The following ZNF804A variants were observed in gnomAD, a reference collection of about 807,000 sequenced individuals.
ZNF804A encodes the protein zinc finger protein 804A.
ZNF804A carries 2 observed loss-of-function variants against 16.5 expected under a neutral mutation model. The ratio of observed to expected loss-of-function variants is 0.12; its 90% confidence interval spans 0.05 to 0.38. The LOEUF (loss-of-function observed/expected upper bound fraction) is 0.38. Among genes scored for constraint, ZNF804A ranks in the 10% least tolerant of loss-of-function variants. The pLI is 0.99. For missense variants in ZNF804A, 1,473 were observed against 1,390.7 expected, an observed-to-expected ratio of 1.06 and a Z score of -0.94; for synonymous variants, 534 against 489.6, an observed-to-expected ratio of 1.09 and a Z score of -1.20.
At chr2:184,630,170 G>C (rs1691582925) in intron 1 of ZNF804A, among the ~76,000 whole-genome samples, 1 of 152,068 alleles carries the variant, frequency 6.6e-6, no homozygotes, top group Non-Finnish European at 1.5e-5. Context: ...TAATCTAAGT[G>C]AATGGCTTGT....
chr2:184,788,267 C>A (rs1034898671), intron 1 of ZNF804A, among the ~76,000 whole-genome samples: 5 of 151,798 alleles, frequency 3.3e-5, no homozygotes, highest in African/African-American at 9.7e-5. Flanking sequence ...TGAAGTTAAA[C>A]AATGTGATAC....
chr2:184,620,967 T>C (rs906958278), intron 1 of ZNF804A, among the ~76,000 whole-genome samples: 19 of 151,662 alleles, frequency 1.3e-4, no homozygotes, highest in Admixed American at 1.3e-4. Context: ...TTTTTCTGTA[T>C]CTTTAATTTC....
At chr2:184,931,696 T>C (rs551200561) in intron 2 of ZNF804A, among the ~76,000 whole-genome samples, 1 of 152,296 alleles carries the variant, frequency 6.6e-6, no homozygotes, top group Non-Finnish European at 1.5e-5. Flanking sequence ...GTCATTAACA[T>C]TTGACTTCTT....
At chr2:184,746,421 G>A (rs1231098115) in intron 1 of ZNF804A, among the ~76,000 whole-genome samples, 1 of 150,534 alleles carries the variant, frequency 6.6e-6, no homozygotes, top group South Asian at 2.1e-4. Flanking sequence ...AAAATTGTGG[G>A]TACATAGTAG....
chr2:184,670,366 A>G (rs1191771004), intron 1 of ZNF804A, among the ~76,000 whole-genome samples: 2 of 151,918 alleles, frequency 1.3e-5, no homozygotes, highest in African/African-American at 4.8e-5. Context: ...GAGCTTCCCC[A>G]TTATGCCCTT....
chr2:184,772,027 C>G (rs779012191), intron 1 of ZNF804A, among the ~76,000 whole-genome samples: 7 of 151,930 alleles, frequency 4.6e-5, no homozygotes, highest in African/African-American at 1.7e-4. Flanking sequence ...AAACAAAAAA[C>G]AGATCATTTG....
intron 1 of ZNF804A, among the ~76,000 whole-genome samples, chr2:184,831,159 C>G (rs981144323): frequency 1.3e-5 from 2 of 152,072 alleles, no homozygotes; most frequent in African/African-American, 4.8e-5. Context: ...AGGTACAGCA[C>G]CACTTATTTA....
chr2:184,809,144 G>A (rs1694854146), intron 1 of ZNF804A, among the ~76,000 whole-genome samples: 1 of 151,866 alleles, frequency 6.6e-6, no homozygotes. Flanking sequence ...ATCATGCTGT[G>A]TATGGCATAA....
chr2:184,738,433 C>T (rs1693666958), intron 1 of ZNF804A, among the ~76,000 whole-genome samples: 2 of 152,076 alleles, frequency 1.3e-5, no homozygotes, highest in African/African-American at 4.8e-5. Context: ...CTTTTGGATA[C>T]ATAGCCTAAT....
At chr2:184,903,785 T>C (rs1330589991) in intron 2 of ZNF804A, among the ~76,000 whole-genome samples, 1 of 152,160 alleles carries the variant, frequency 6.6e-6, no homozygotes, top group Non-Finnish European at 1.5e-5. Flanking sequence ...TGGACATATG[T>C]GTGCTTCATG....
chr2:184,626,396 G>A (rs902954561), intron 1 of ZNF804A, among the ~76,000 whole-genome samples: 7 of 152,016 alleles, frequency 4.6e-5, no homozygotes, highest in Non-Finnish European at 5.9e-5. Flanking sequence ...TATGCTTTTG[G>A]AATTTTTGAA....
At chr2:184,772,423 AT>A (rs1694230558) in intron 1 of ZNF804A, among the ~76,000 whole-genome samples, 1 of 151,924 alleles carries the variant, frequency 6.6e-6, no homozygotes, top group Non-Finnish European at 1.5e-5. Flanking sequence ...TTCATTTAGC[AT>A]TTTGTGAAGA....
At chr2:184,740,767 TG>T (rs1693698692) in intron 1 of ZNF804A, among the ~76,000 whole-genome samples, 1 of 152,140 alleles carries the variant, frequency 6.6e-6, no homozygotes, top group Admixed American at 6.6e-5. Context: ...GAAGTCGATA[TG>T]GGGGATTTCA....
At chr2:184,868,525 G>A (rs969320429) in intron 2 of ZNF804A, among the ~76,000 whole-genome samples, 4 of 152,004 alleles carry the variant, frequency 2.6e-5, no homozygotes, top group African/African-American at 9.7e-5. Context: ...AATGCCTAAT[G>A]TCTGATAATG....
chr2:184,652,937 C>G (rs988764069), intron 1 of ZNF804A, among the ~76,000 whole-genome samples: 1 of 152,128 alleles, frequency 6.6e-6, no homozygotes, highest in African/African-American at 2.4e-5. Flanking sequence ...GTGTCTTCTA[C>G]TATGATTGTA....
Position 184,788,873 on chromosome 2 carries a change from T to C in ZNF804A, c.112-77496T>C, listed in dbSNP as rs1694489388. ...CTAAGACTTCTCTTACTATGTTGAG[T>C]AGGAGTGGTGAGAGCAGACAGACAT... On this transcript the variant is annotated intron_variant, in intron 1 of 3. Coordinates refer to ENST00000302277, the MANE Select transcript of ZNF804A (RefSeq NM_194250.2). Among the ~76,000 whole-genome samples the C allele has an allele frequency of 1.3e-5, 2 of 152,050 alleles. 1 individual carries two copies. Among genetic ancestry groups the C allele is most frequent in the South Asian group, 4.1e-4 (2 of 4,832 alleles).
At chr2:184,715,096 A>G (rs1485925022) in intron 1 of ZNF804A, among the ~76,000 whole-genome samples, 1 of 152,128 alleles carries the variant, frequency 6.6e-6, no homozygotes, top group East Asian at 1.9e-4. Context: ...AATCTTGGAC[A>G]CTTTTTCACA....
chr2:184,848,345 T>C (rs1043102907), intron 1 of ZNF804A, among the ~76,000 whole-genome samples: 6 of 152,086 alleles, frequency 3.9e-5, no homozygotes, highest in Non-Finnish European at 8.8e-5. Context: ...CACATGCTTA[T>C]GTTGTACTCT....
At chr2:184,933,473 C>T in intron 2 of ZNF804A, 130 bp from the exon 3 acceptor site, 1 of 800,654 alleles carries the variant, frequency 1.2e-6, no homozygotes, top group Non-Finnish European at 1.8e-6. Context: ...AGTGGATTGT[C>T]ATGAATGTTG....
Sources: gnomAD v4.1 joint callset for allele counts (sites outside exome capture counted in the v4.1 genomes callset) on GRCh38, gnomAD v4.1.1 for gene constraint, MANE v1.5 for transcripts, NCBI Gene and HGNC (gene_info 2026-07-23, HGNC 2026-07-21) for gene names.